The following TOX2 variants were observed in gnomAD, a reference collection of about 807,000 sequenced individuals.
TOX2 encodes the protein granulosa cell HMG box 1.
Under a neutral mutation model 47.4 loss-of-function variants are expected in TOX2, and 15 were observed. The ratio of observed to expected loss-of-function variants is 0.32; its 90% CI spans 0.21 to 0.49. The LOEUF (loss-of-function observed/expected upper bound fraction) is 0.49, where lower values mean the gene tolerates loss of function less well. Among genes scored for constraint, TOX2 ranks in the 20% least tolerant of loss-of-function variants. The pLI is 0.99. For synonymous variants in TOX2, 290 were observed against 296.6 expected (o/e 0.98, Z 0.23); for missense variants, 622 against 673.1 (o/e 0.92, Z 0.84).
chr20:43,925,898 C>T (rs1056825402), intron 1 of TOX2, among the ~76,000 whole-genome samples: 1 of 152,182 alleles, frequency 6.6e-6, no homozygotes, highest in African/African-American at 2.4e-5. Context: ...TTAGGCAGAG[C>T]TGGAATTTGG....
rs1179649464 is a variant in TOX2, at chr20:44,054,299, A to G, written c.652A>G (p.Ile218Val). Residue 218 changes from isoleucine (I) to valine (V), a missense_variant and splice_region_variant, in exon 5 of 9, where the codon ATC (isoleucine) becomes GTC (valine). Around this residue, in one of 3 missense-constraint regions of TOX2, gnomAD observed 307 missense variants for 327.3 expected, o/e 0.94. Coordinates refer to ENST00000341197, the MANE Select transcript of TOX2 (RefSeq NM_001098797.2). ...TTTCTGACTCTTCTCACTCGGGCAGATCTCGGGAGAAAAGAGACCTTCAGC... is the reference window on the plus strand; with the variant it reads ...TTTCTGACTCTTCTCACTCGGGCAGGTCTCGGGAGAAAAGAGACCTTCAGC... ...QEEESEVHFK[I>V]SGEKRPSADP... 2 of 1,606,522 alleles carry G rather than the reference A, an allele frequency of 1.2e-6. No homozygotes were observed. Among genetic ancestry groups the G allele is most frequent in the Admixed American group, 3.4e-5 (2 of 58,822 alleles).
At chr20:43,948,668 G>T (rs549649313) in intron 1 of TOX2, among the ~76,000 whole-genome samples, 2 of 152,310 alleles carry the variant, frequency 1.3e-5, no homozygotes, top group African/African-American at 4.8e-5. Context: ...GAGGCCCAGG[G>T]CTGCCCAGGA....
At position 44,068,903 on chromosome 20, in the gene TOX2, C is replaced by G. The variant is rs1260855830; in HGVS notation, c.*217C>G. ...CACCAGCCCAAAGAACCTGCAGGAACCTTCCGCCCGCTGACCTGCTTGCTC... is the reference window on the plus strand; with the variant it reads ...CACCAGCCCAAAGAACCTGCAGGAAGCTTCCGCCCGCTGACCTGCTTGCTC... On this transcript the variant is annotated 3_prime_UTR_variant, in exon 9 of 9. Coordinates refer to ENST00000341197, the MANE Select transcript of TOX2 (RefSeq NM_001098797.2). 1.4e-6 allele frequency: 1 copy of G among 716,876 alleles called. No individual in the cohort carries two copies. Among genetic ancestry groups the G allele is most frequent in the Non-Finnish European group, 2.5e-6 (1 of 392,502 alleles). 44.4% of individuals were successfully genotyped at this position (716,876 alleles called of 1,614,324 possible). A position where few individuals can be genotyped will look rare whatever the true frequency, so the allele number is the denominator to read the frequency against.
chr20:44,063,760 A>T (rs2071761480), intron 5 of TOX2, among the ~76,000 whole-genome samples: 1 of 106,026 alleles, frequency 9.4e-6, no homozygotes, highest in South Asian at 2.6e-4. Flanking sequence ...ATATATATGT[A>T]CACACACACA....
At position 43,962,282 on chromosome 20, in the gene TOX2, G is replaced by A. The variant is rs1336965190; in HGVS notation, c.100-11085G>A. 2.0e-5 allele frequency among the ~76,000 whole-genome samples: 3 copies of A among 152,240 alleles called. No homozygotes were observed. The East Asian group carries it at 5.8e-4, about 29-fold the overall frequency. ...CCCATCAGGCCCGGCCCTCTGGGCA[G>A]CTGCAGCTGGTGAGTGTACTGGGAT... On this transcript the variant is annotated intron_variant, in intron 1 of 8. Transcript: ENST00000341197.
intron 1 of TOX2, among the ~76,000 whole-genome samples, chr20:43,940,807 C>A (rs1257594065): frequency 1.3e-5 from 2 of 152,164 alleles, no homozygotes; most frequent in African/African-American, 4.8e-5. Flanking sequence ...GACCAGGGCA[C>A]CTTAGAAGCG....
intron 3 of TOX2, among the ~76,000 whole-genome samples, chr20:44,049,739 G>A (rs2071475800): frequency 6.6e-6 from 1 of 151,900 alleles, no homozygotes; most frequent in African/African-American, 2.4e-5. Flanking sequence ...GAAAACATGA[G>A]GTGTTTGGTT....
At chr20:43,963,838 C>T (rs963298554) in intron 1 of TOX2, among the ~76,000 whole-genome samples, 2 of 152,072 alleles carry the variant, frequency 1.3e-5, no homozygotes, top group African/African-American at 2.4e-5. Flanking sequence ...GCACAGGCAT[C>T]GAGGGTCTTT....
At chr20:43,937,994 C>T (rs543566194) in intron 1 of TOX2, among the ~76,000 whole-genome samples, 1 of 152,246 alleles carries the variant, frequency 6.6e-6, no homozygotes, top group South Asian at 2.1e-4. Context: ...CCTGAGCCTC[C>T]GTTTTCTCAC....
intron 2 of TOX2, among the ~76,000 whole-genome samples, chr20:43,978,588 G>T (rs1484188008): frequency 6.6e-6 from 1 of 152,086 alleles, no homozygotes; most frequent in Non-Finnish European, 1.5e-5. Flanking sequence ...TCCTCTGATG[G>T]GAATCCCCTA....
intron 3 of TOX2, among the ~76,000 whole-genome samples, chr20:44,035,457 G>T (rs1400119499): frequency 6.6e-6 from 1 of 152,056 alleles, no homozygotes; most frequent in South Asian, 2.1e-4. Context: ...ACTTCCTCTC[G>T]GTGGCCGCCG....
intron 2 of TOX2, among the ~76,000 whole-genome samples, chr20:43,978,305 C>A (rs2070115210): frequency 6.6e-6 from 1 of 152,142 alleles, no homozygotes; most frequent in African/African-American, 2.4e-5. Flanking sequence ...CAGACTCCAG[C>A]CACCAAGGCC....
In TOX2 at chr20:43,976,777, C is replaced by T. The variant is rs144632433; in HGVS notation, c.165+3345C>T. Among the ~76,000 whole-genome samples, 286 of 135,272 alleles carry T rather than the reference C, an allele frequency of 2.1e-3. 3 individuals carry two copies. The East Asian group carries it at 0.039, about 18-fold the overall frequency. 88.7% of individuals were successfully genotyped at this position (135,272 alleles called of 152,430 possible). A position where few individuals can be genotyped will look rare whatever the true frequency, so the allele number is the denominator to read the frequency against. ...GCTTCTTGAACTCACAACGCGAGCG[C>T]GCGCGCACACACACACACACACACA... On this transcript the variant is annotated intron_variant, in intron 2 of 8. Coordinates refer to ENST00000341197, the MANE Select transcript of TOX2 (RefSeq NM_001098797.2).
chr20:43,951,707 G>GTTTGTTTTTTTTTTTTTTT (rs2069571364), intron 1 of TOX2, among the ~76,000 whole-genome samples: 1 of 55,098 alleles, frequency 1.8e-5, no homozygotes, highest in Non-Finnish European at 3.9e-5. Flanking sequence ...AACTTATTAT[G>GTTTGTTTTTTTTTTTTTTT]TTTTTTTTTT....
At chr20:44,036,270 G>T (rs1037387548) in intron 3 of TOX2, among the ~76,000 whole-genome samples, 3 of 152,224 alleles carry the variant, frequency 2.0e-5, no homozygotes, top group Non-Finnish European at 4.4e-5. Flanking sequence ...ACAGGGCTTG[G>T]CCAAGTGAGA....
At chr20:44,028,391 C>T (rs375691600) in intron 3 of TOX2, among the ~76,000 whole-genome samples, 1 of 152,164 alleles carries the variant, frequency 6.6e-6, no homozygotes, top group African/African-American at 2.4e-5. Context: ...ATGGGGAGCT[C>T]ATTGCTGGAG....
intron 1 of TOX2, among the ~76,000 whole-genome samples, chr20:43,952,063 A>ATT (rs200039355): frequency 4.8e-5 from 7 of 145,938 alleles, no homozygotes; most frequent in East Asian, 2.0e-4. Context: ...CACCCGGCTG[A>ATT]TTTTTTTTTT....
intron 2 of TOX2, among the ~76,000 whole-genome samples, chr20:43,985,335 C>T (rs982043481): frequency 3.3e-5 from 5 of 152,202 alleles, no homozygotes; most frequent in East Asian, 1.9e-4. Context: ...TGAGTCACAC[C>T]AATGCTGAGA....
intron 1 of TOX2, among the ~76,000 whole-genome samples, chr20:43,948,983 A>G (rs2069514601): frequency 6.6e-6 from 1 of 152,180 alleles, no homozygotes; most frequent in Non-Finnish European, 1.5e-5. Context: ...AATTGAGGCC[A>G]TGGGAGCAGC....
Sources: gnomAD v4.1 joint callset for allele counts (sites outside exome capture counted in the v4.1 genomes callset) on GRCh38, gnomAD v4.1.1 for gene constraint, gnomAD v4.1.1 regional missense constraint, MANE v1.5 for transcripts, NCBI Gene and HGNC (gene_info 2026-07-23, HGNC 2026-07-21) for gene names.